ZDHHC2: variants seen among roughly 807,000 people sequenced by gnomAD.
The protein encoded by ZDHHC2 is palmitoyltransferase ZDHHC2.
A neutral mutation model predicts 55.6 loss-of-function variants in ZDHHC2; 51 were observed. The ratio of observed to expected loss-of-function variants is 0.92; its 90% CI spans 0.73 to 1.16. The LOEUF is 1.16. Ranked by LOEUF, ZDHHC2 falls within the 50% of genes most tolerant of loss-of-function variation. The pLI, the probability that ZDHHC2 is intolerant of heterozygous loss-of-function variation, is 0.00. For synonymous variants in ZDHHC2, 199 were observed against 152.9 expected, an observed-to-expected ratio of 1.30 and a Z score of -2.22; for missense variants, 491 against 442.4, an observed-to-expected ratio of 1.11 and a Z score of -0.99.
At position 17,186,276 on chromosome 8, in the gene ZDHHC2, T is replaced by A. The variant is rs915929210; in HGVS notation, c.158-55T>A. 5 of 1,190,656 alleles carry A rather than the reference T, an allele frequency of 4.2e-6. No homozygotes were observed. In the African/African-American group the frequency reaches 6.3e-5, roughly 15 times the overall value. 73.8% of individuals were successfully genotyped at this position (1,190,656 alleles called of 1,614,324 possible). A position where few individuals can be genotyped will look rare whatever the true frequency, so the allele number is the denominator to read the frequency against. Reference sequence around the variant, plus strand: ...ACAAGCAGATCGGTTGTGACTGTCATAATTTTAGTATGTATTTGCATATTA... The same window carrying A: ...ACAAGCAGATCGGTTGTGACTGTCAAAATTTTAGTATGTATTTGCATATTA... On this transcript the variant is annotated intron_variant, in intron 2 of 12. Transcript: ENST00000262096.
intron 6 of ZDHHC2, among the ~76,000 whole-genome samples, chr8:17,200,187 G>T (rs867443596): frequency 6.6e-6 from 1 of 152,192 alleles, no homozygotes; most frequent in Non-Finnish European, 1.5e-5. Context: ...CCTGCTGGCA[G>T]CTCCCCATTC....
chr8:17,184,632 G>A (rs1447041710), intron 1 of ZDHHC2, among the ~76,000 whole-genome samples, 157 bp from the exon 2 acceptor site: 1 of 151,968 alleles, frequency 6.6e-6, no homozygotes, highest in Non-Finnish European at 1.5e-5. Flanking sequence ...TCTCCACACT[G>A]TGCTCACCTC....
chr8:17,193,229 C>T (rs1248688821), intron 3 of ZDHHC2, among the ~76,000 whole-genome samples: 1 of 152,162 alleles, frequency 6.6e-6, no homozygotes, highest in Non-Finnish European at 1.5e-5. Flanking sequence ...ATCTAAGCTG[C>T]ATCTGCATTA....
At chr8:17,199,532 C>CA (rs1554466075) in intron 6 of ZDHHC2, among the ~76,000 whole-genome samples, 5,876 of 117,542 alleles carry the variant, frequency 0.05, 467 homozygotes, top group Non-Finnish European at 0.07. Flanking sequence ...TCTTCGTCTT[C>CA]TGTCTTCGTC....
At chr8:17,193,819 G>A (rs1806166771) in intron 3 of ZDHHC2, among the ~76,000 whole-genome samples, 1 of 152,134 alleles carries the variant, frequency 6.6e-6, no homozygotes, top group Admixed American at 6.5e-5. Context: ...TCCAGAACGT[G>A]GAGGTTTGTT....
intron 1 of ZDHHC2, among the ~76,000 whole-genome samples, chr8:17,182,381 G>T (rs566344688): frequency 1.3e-5 from 2 of 152,242 alleles, no homozygotes; most frequent in South Asian, 4.1e-4. Context: ...AATAATAAGG[G>T]AAATGAATGC....
At chr8:17,195,458 A>G (rs1806258290) in intron 3 of ZDHHC2, 46 bp from the exon 4 acceptor site, 5 of 1,566,904 alleles carry the variant, frequency 3.2e-6, no homozygotes, top group South Asian at 2.3e-5. Context: ...CCAATATGTT[A>G]TAATTTCTTT....
At position 17,186,386 on chromosome 8, in the gene ZDHHC2, G is replaced by T; in HGVS notation, c.213G>T (p.Trp71Cys). The change falls in exon 3 of 13, where the codon TGG (tryptophan) becomes TGT (cysteine). Residue 71 changes from tryptophan to cysteine, a missense_variant. Coordinates refer to ENST00000262096, the MANE Select transcript of ZDHHC2 (RefSeq NM_016353.5). ...TTGCAATGTTTGTCTGGTCATACTG[G>T]AAAACTATCTTTACATTACCAATGA... ...LLFAMFVWSY[W>C]KTIFTLPMNP... is the part of the protein sequence containing the mutation. 1.3e-6 allele frequency: 2 copies of T among 1,585,460 alleles called. No homozygotes were observed. The highest frequency in any genetic ancestry group is 2.3e-5 in the East Asian group (1 of 43,326).
In ZDHHC2 at chr8:17,204,030, T is replaced by C. The variant is rs188605107; in HGVS notation, c.477-1625T>C. Among the ~76,000 whole-genome samples, 3 of 152,180 alleles carry C rather than the reference T, an allele frequency of 2.0e-5. No homozygotes were observed. In the East Asian group the frequency reaches 5.8e-4, roughly 30 times the overall value. ...ACCATGTTGGCCAGGATGGCCTTGA[T>C]CTCTTGACCTTGTGGTCTGCCTGCC... On this transcript the variant is annotated intron_variant, in intron 6 of 12. Transcript: ENST00000262096.
At chr8:17,188,296 C>T (rs576902386) in intron 3 of ZDHHC2, among the ~76,000 whole-genome samples, 3 of 152,198 alleles carry the variant, frequency 2.0e-5, no homozygotes, top group Non-Finnish European at 4.4e-5. Context: ...ACCAATGTAA[C>T]GCCTTCCCTC....
chr8:17,160,880 C>T (rs1384320417), intron 1 of ZDHHC2, among the ~76,000 whole-genome samples: 1 of 152,162 alleles, frequency 6.6e-6, no homozygotes, highest in African/African-American at 2.4e-5. Flanking sequence ...AAATATTTGG[C>T]CAATCTTGGC....
At chr8:17,194,592 A>G (rs1260516001) in intron 3 of ZDHHC2, among the ~76,000 whole-genome samples, 1 of 151,878 alleles carries the variant, frequency 6.6e-6, no homozygotes, top group Non-Finnish European at 1.5e-5. Flanking sequence ...AACAGTGTAT[A>G]TGTTGTTTAG....
At chr8:17,201,652 C>G (rs1185501886) in intron 6 of ZDHHC2, among the ~76,000 whole-genome samples, 1 of 129,340 alleles carries the variant, frequency 7.7e-6, no homozygotes, top group Non-Finnish European at 1.6e-5. Flanking sequence ...ACCACTACGC[C>G]TCACGGTTTT....
At chr8:17,176,473 T>C (rs561577258) in intron 1 of ZDHHC2, among the ~76,000 whole-genome samples, 4 of 152,124 alleles carry the variant, frequency 2.6e-5, no homozygotes, top group Non-Finnish European at 5.9e-5. Flanking sequence ...TCACCGAGAA[T>C]ACATCACGGT....
At chr8:17,170,771 C>T (rs372348463) in intron 1 of ZDHHC2, among the ~76,000 whole-genome samples, 2 of 152,174 alleles carry the variant, frequency 1.3e-5, no homozygotes, top group East Asian at 3.9e-4. Context: ...AAAAAATACT[C>T]TACAAAAATT....
At chr8:17,160,962 G>T (rs1485561417) in intron 1 of ZDHHC2, among the ~76,000 whole-genome samples, 6 of 152,198 alleles carry the variant, frequency 3.9e-5, no homozygotes, top group African/African-American at 1.2e-4. Flanking sequence ...GGTTTTACTC[G>T]CAGTTTTGCT....
chr8:17,205,728 C>G lies in ZDHHC2; in HGVS notation c.550C>G (p.Leu184Val). 2 of 1,609,430 alleles carry G rather than the reference C, an allele frequency of 1.2e-6. No homozygotes were observed. Among genetic ancestry groups the G allele is most frequent in the South Asian group, 2.2e-5 (2 of 89,702 alleles). Reference sequence around the variant, plus strand: ...CTTGGCTTATTCTCTGCTCTACTGCCTTTTTATTGCGGCAACAGATTTACA... The same window carrying G: ...CTTGGCTTATTCTCTGCTCTACTGCGTTTTTATTGCGGCAACAGATTTACA... ...LFLAYSLLYCLFIAATDLQYF... is the reference protein window; with the variant it reads ...LFLAYSLLYCVFIAATDLQYF... Residue 184 changes from leucine to valine, a missense_variant, in exon 7 of 13, where the codon CTT becomes GTT. Leu to Val is a conservative substitution (Grantham distance 32). Transcript: ENST00000262096.
intron 8 of ZDHHC2, among the ~76,000 whole-genome samples, chr8:17,209,419 C>T (rs965726007): frequency 1.3e-5 from 2 of 152,074 alleles, no homozygotes; most frequent in East Asian, 3.9e-4. Context: ...CCTGGGAATT[C>T]GAGGCTACAG....
chr8:17,156,904 A>G, intron 1 of ZDHHC2, 51 bp downstream of exon 1: 1 of 1,456,612 alleles, frequency 6.9e-7, no homozygotes, highest in East Asian at 3.1e-5. Flanking sequence ...GCCCACCCCG[A>G]CTGTCCCGGG....
Sources: allele counts gnomAD v4.1 joint callset (sites outside exome capture counted in the v4.1 genomes callset), GRCh38; gene constraint gnomAD v4.1.1; transcripts MANE v1.5; gene names NCBI Gene and HGNC (gene_info 2026-07-23, HGNC 2026-07-21).